Variants in CFAP99 observed in about 807,000 individuals in gnomAD.
CFAP99 encodes the protein cilia and flagella associated protein 99.
A neutral mutation model predicts 82.7 loss-of-function variants in CFAP99; 84 were observed. The observed-to-expected ratio is 1.02, with a 90% CI of 0.85 to 1.22. CFAP99 has a LOEUF of 1.22. CFAP99 is among the 50% of genes most tolerant of loss of function. CFAP99 has a pLI of 0.00. For missense variants in CFAP99, 1,059 were observed against 983.5 expected (o/e 1.08, Z -1.03); for synonymous variants, 456 against 429.5 (o/e 1.06, Z -0.76).
At chr4:2,439,443 G>A (rs568158014) in intron 4 of CFAP99, among the ~76,000 whole-genome samples, 1 of 152,162 alleles carries the variant, frequency 6.6e-6, no homozygotes, top group Admixed American at 6.5e-5. Context: ...AGCTCTTCAG[G>A]GGGTGTTCCA....
In CFAP99 at chr4:2,425,382, G is replaced by A. The variant is rs1388883548; in HGVS notation, c.-17-1077G>A. On this transcript the variant is annotated intron_variant, in intron 1 of 14. Transcript: ENST00000635017. ...ACCCTTCAGCACGGCCAGGATCGGT[G>A]TCTCACCAAGGACCCTCCAGTGTCA... 4.6e-5 allele frequency among the ~76,000 whole-genome samples: 7 copies of A among 152,294 alleles called. No homozygotes were observed. In the South Asian group the frequency reaches 6.2e-4, roughly 14 times the overall value.
intron 11 of CFAP99, among the ~76,000 whole-genome samples, chr4:2,454,306 T>G (rs1469803040): frequency 6.6e-6 from 1 of 152,150 alleles, no homozygotes; most frequent in African/African-American, 2.4e-5. Flanking sequence ...CGGCCTACTT[T>G]TTGTATTTTT....
rs879410625 is a variant in CFAP99, at chr4:2,462,285, C to T, written c.1662-158C>T. 4.0e-5 allele frequency: 26 copies of T among 655,058 alleles called. No individual in the cohort carries two copies. The highest frequency in any genetic ancestry group is 6.1e-5 in the Non-Finnish European group (26 of 428,836). The allele number at this position is 655,058 out of a possible 1,614,324, so 40.6% of individuals were successfully genotyped here. A position where few individuals can be genotyped will look rare whatever the true frequency, so the allele number is the denominator to read the frequency against. On this transcript the variant is annotated intron_variant, in intron 14 of 14. Transcript: ENST00000635017. This position sits in a 1 kb window ranked among gnomAD's most constrained non-coding sequence, Gnocchi z 4.1. ...GCGGTGGTACTGTCTAGGAGCGCGC[C>T]GCGGCCCCTGGGCCTCGCTGTCTGT...
intron 1 of CFAP99, among the ~76,000 whole-genome samples, chr4:2,421,410 A>T (rs913971800): frequency 8.0e-6 from 1 of 124,538 alleles, no homozygotes; most frequent in African/African-American, 3.1e-5. Flanking sequence ...GCTGGAGTGC[A>T]GAGGCACGAT....
At chr4:2,449,819 G>A (rs1734259686) in intron 7 of CFAP99, 69 bp downstream of exon 7, 4 of 1,529,770 alleles carry the variant, frequency 2.6e-6, no homozygotes, top group Non-Finnish European at 3.5e-6. Flanking sequence ...AAGGTGGGGT[G>A]GGGAGAGGGA....
At chr4:2,449,262 G>T (rs1337161881) in intron 6 of CFAP99, among the ~76,000 whole-genome samples, 1 of 152,056 alleles carries the variant, frequency 6.6e-6, no homozygotes, top group Non-Finnish European at 1.5e-5. Context: ...CTTTGCAGGG[G>T]TCCGTGATAT....
intron 1 of CFAP99, among the ~76,000 whole-genome samples, 170 bp downstream of exon 1, chr4:2,419,263 C>T (rs1733475192): frequency 6.6e-6 from 1 of 151,598 alleles, no homozygotes; most frequent in South Asian, 2.1e-4. Flanking sequence ...TAAATCACCA[C>T]TATCAGCGGT....
chr4:2,436,369 T>C (rs1351488543), intron 2 of CFAP99, among the ~76,000 whole-genome samples: 4 of 152,218 alleles, frequency 2.6e-5, no homozygotes, highest in African/African-American at 4.8e-5. Flanking sequence ...GAAAATATTA[T>C]TGTGGTAAAA....
At chr4:2,436,206 A>G (rs1733904471) in intron 2 of CFAP99, among the ~76,000 whole-genome samples, 1 of 152,022 alleles carries the variant, frequency 6.6e-6, no homozygotes, top group African/African-American at 2.4e-5. Context: ...ACAGGGTCCC[A>G]CTCCATTGCC....
chr4:2,433,291 C>G (rs1052835034), intron 2 of CFAP99, among the ~76,000 whole-genome samples: 1 of 152,182 alleles, frequency 6.6e-6, no homozygotes, highest in Non-Finnish European at 1.5e-5. Context: ...GGTGCCTGAG[C>G]CGGGGAGGCC....
chr4:2,453,904 C>A (rs1734364335), intron 11 of CFAP99, among the ~76,000 whole-genome samples: 1 of 150,848 alleles, frequency 6.6e-6, no homozygotes, highest in Admixed American at 6.6e-5. Flanking sequence ...ACTTCCGCCT[C>A]CCGGGTTCAA....
intron 4 of CFAP99, among the ~76,000 whole-genome samples, chr4:2,441,923 A>G (rs543465726): frequency 2.0e-4 from 31 of 152,108 alleles, no homozygotes; most frequent in Non-Finnish European, 3.2e-4. Context: ...GGCGCTCCTC[A>G]CTCTGCAGGG....
intron 2 of CFAP99, among the ~76,000 whole-genome samples, chr4:2,430,054 C>T (rs192676729): frequency 6.6e-6 from 1 of 151,936 alleles, no homozygotes; most frequent in Non-Finnish European, 1.5e-5. Context: ...CAGAAAATTA[C>T]GCAATACATA....
chr4:2,447,504 G>A (rs1734191132), intron 6 of CFAP99, among the ~76,000 whole-genome samples: 1 of 151,188 alleles, frequency 6.6e-6, no homozygotes, highest in African/African-American at 2.4e-5. Flanking sequence ...TGGATGGGTG[G>A]GTAGATGGAT....
intron 6 of CFAP99, among the ~76,000 whole-genome samples, chr4:2,447,073 T>C (rs1259826998): frequency 6.7e-6 from 1 of 150,334 alleles, no homozygotes; most frequent in East Asian, 2.0e-4. Flanking sequence ...GATAGATGGA[T>C]AGTCGGAAGG....
At position 2,441,273 on chromosome 4, in the gene CFAP99, T is replaced by C. The variant is rs192170663; in HGVS notation, c.352-1857T>C. Reference sequence around the variant, plus strand: ...CTATAATCCCAGCTACTCAGGAGGCTGAGGCAGGAGAATCACTTGAACCTG... The same window carrying C: ...CTATAATCCCAGCTACTCAGGAGGCCGAGGCAGGAGAATCACTTGAACCTG... On this transcript the variant is annotated intron_variant, in intron 4 of 14. Coordinates refer to ENST00000635017, the Ensembl canonical transcript of CFAP99. 2.8e-3 allele frequency among the ~76,000 whole-genome samples: 421 copies of C among 148,952 alleles called. 6 individuals are homozygous for C. Among genetic ancestry groups the C allele is most frequent in the African/African-American group, 0.01 (409 of 40,238 alleles).
At chr4:2,431,218 A>T (rs1203642534) in intron 2 of CFAP99, among the ~76,000 whole-genome samples, 1 of 151,506 alleles carries the variant, frequency 6.6e-6, no homozygotes. Flanking sequence ...AATACAAAAA[A>T]ATTAGCCAGG....
intron 2 of CFAP99, among the ~76,000 whole-genome samples, chr4:2,431,440 A>G (rs922902944): frequency 6.6e-6 from 1 of 152,092 alleles, no homozygotes; most frequent in African/African-American, 2.4e-5. Flanking sequence ...GTCTGTGCAG[A>G]TGTAATTAAG....
intron 2 of CFAP99, among the ~76,000 whole-genome samples, chr4:2,429,701 C>T (rs1733758790): frequency 2.6e-5 from 4 of 151,978 alleles, no homozygotes; most frequent in Admixed American, 2.6e-4. Flanking sequence ...ACGCCATTCT[C>T]CTGCCTCAGC....
Sources: gnomAD v4.1 joint callset for allele counts (sites outside exome capture counted in the v4.1 genomes callset) on GRCh38, gnomAD v4.1.1 for gene constraint, Gnocchi (gnomAD v3.1) non-coding constraint, MANE v1.5 for transcripts, NCBI Gene and HGNC (gene_info 2026-07-23, HGNC 2026-07-21) for gene names.